ARAP3: variants seen among roughly 807,000 people sequenced by gnomAD.
ARAP3 encodes the protein ArfGAP with RhoGAP domain, ankyrin repeat and PH domain 3.
ARAP3 carries 82 observed loss-of-function variants against 169.2 expected under a neutral mutation model. The ratio of observed to expected loss-of-function variants is 0.48; its 90% CI spans 0.41 to 0.58. The LOEUF (loss-of-function observed/expected upper bound fraction) is 0.58. Among genes scored for constraint, ARAP3 ranks in the 20% least tolerant of loss-of-function variants. The pLI is 0.00. For synonymous variants in ARAP3, 791 were observed against 800.3 expected (o/e 0.99, Z 0.20); for missense variants, 1,764 against 2,018.0 (o/e 0.87, Z 2.41).
rs145098937 is a variant in ARAP3, at chr5:141,658,787, C to A, written c.3337-134G>T. 1,281 of 754,900 alleles carry A rather than the reference C, an allele frequency of 1.7e-3. 14 individuals carry two copies. The African/African-American group carries it at 0.02, about 12-fold the overall frequency. 46.8% of individuals were successfully genotyped at this position (754,900 alleles called of 1,614,324 possible). On this transcript the variant is annotated intron_variant, in intron 23 of 32. Transcript: ENST00000239440. ...CCTCCCAACCCCAATGTCACTCAGG[C>A]TCTTAAAAGGGAGACCTCTGGGAGT...
At position 141,672,036 on chromosome 5, in the gene ARAP3, C is replaced by T. The variant is rs752357720; in HGVS notation, c.1586-56G>A. 50 of 1,613,726 alleles carry T rather than the reference C, an allele frequency of 3.1e-5. No homozygotes were observed. Among genetic ancestry groups the T allele is most frequent in the Middle Eastern group, 3.3e-4 (2 of 6,080 alleles). On this transcript the variant is annotated intron_variant, in intron 10 of 32. Transcript: ENST00000239440. The surrounding 1 kb of genome is among the most constrained non-coding windows in gnomAD (Gnocchi z 4.9). ...GTGAGGGTGTGAGGGGCATGTGGCA[C>T]GGGTACCCTGAGCCCTCTAGTCCCA...
chr5:141,665,025 C>T lies in ARAP3; in HGVS notation c.2697G>A (p.Gly899=). 1 of 1,614,068 alleles carries T rather than the reference C, an allele frequency of 6.2e-7. No individual in the cohort carries two copies. The highest frequency in any genetic ancestry group is 1.3e-5 in the African/African-American group (1 of 75,056). ...CTGTGCCGCCCCCACCAGCCGCGCC[C>T]CCAATGGCTGCGTTCCATGCCGTGA... is the stretch of plus-strand genomic sequence containing the variant. ...LDFTAWNAAI[G]GAAGGGGTGL... The change falls in exon 19 of 33, where the codon GGG becomes GGA. Residue 899 remains glycine (G), a synonymous_variant. Coordinates refer to ENST00000239440, the MANE Select transcript of ARAP3 (RefSeq NM_022481.6).
In ARAP3 at chr5:141,680,143, C is replaced by T. The variant is rs372399990; in HGVS notation, c.344G>A (p.Gly115Glu). 1 of 1,609,488 alleles carries T rather than the reference C, an allele frequency of 6.2e-7. No individual in the cohort carries two copies. The highest frequency in any genetic ancestry group is 8.5e-7 in the Non-Finnish European group (1 of 1,177,098). Reference sequence around the variant, plus strand: ...TGGTCCCCCGAGGGCTGGGCTCAGCCCAGGTCTCTGAGTGGTGGCAGGGCC... The same window carrying T: ...TGGTCCCCCGAGGGCTGGGCTCAGCTCAGGTCTCTGAGTGGTGGCAGGGCC... ...LSGPATTQRP[G>E]LSPALGGPGV... Residue 115 changes from glycine to glutamate, a missense_variant, in exon 2 of 33, where the codon GGG (glycine) becomes GAG (glutamate). By Grantham distance (98) the Gly-to-Glu change is moderately conservative. Around this residue, in one of 3 missense-constraint regions of ARAP3, gnomAD observed 630 missense variants for 678.7 expected, o/e 0.93. Coordinates refer to ENST00000239440, the MANE Select transcript of ARAP3 (RefSeq NM_022481.6).
At chr5:141,665,933 A>C (rs751296607) in intron 17 of ARAP3, among the ~76,000 whole-genome samples, 2 of 151,276 alleles carry the variant, frequency 1.3e-5, no homozygotes, top group Non-Finnish European at 1.5e-5. Context: ...TGGGAGGCTG[A>C]GGCAGGAGAA....
In ARAP3 at chr5:141,659,868, C is replaced by CA; in HGVS notation, c.3177dup (p.Ala1060CysfsTer23). ...CCATCCGTCTGGAACACGCTGGGTG[C>CA]AAACAGCAGAGCCAAGTTCCGCGTG... On this transcript the variant is annotated frameshift_variant, in exon 22 of 33. Transcript: ENST00000239440. LOFTEE classifies it high-confidence loss of function. 6.3e-6 allele frequency: 10 copies of CA among 1,599,076 alleles called. No individual in the cohort carries two copies. Among genetic ancestry groups the CA allele is most frequent in the Non-Finnish European group, 8.5e-6 (10 of 1,173,488 alleles).
chr5:141,673,351 A>G (rs2099911704), intron 6 of ARAP3, 50 bp downstream of exon 6: 1 of 1,609,462 alleles, frequency 6.2e-7, no homozygotes, highest in African/African-American at 1.3e-5. Context: ...AGCCCCTCTC[A>G]GCCCTCCCTC....
In ARAP3 at chr5:141,671,208, C is replaced by T; in HGVS notation, c.1990+57G>A. ...TTGGGGCCCCTTGGAAGAACTGAAT[C>T]ATAGGTTGGGTCTGAGAATTCCTGT... On this transcript the variant is annotated intron_variant, in intron 13 of 32. Transcript: ENST00000239440. This position sits in a 1 kb window ranked among gnomAD's most constrained non-coding sequence, Gnocchi z 4.9. 6 of 1,538,676 alleles carry T rather than the reference C, an allele frequency of 3.9e-6. No individual in the cohort carries two copies. Among genetic ancestry groups the T allele is most frequent in the South Asian group, 3.7e-5 (3 of 80,576 alleles).
intron 4 of ARAP3, 145 bp from the exon 5 acceptor site, chr5:141,673,953 TTTC>T (rs1383206449): frequency 1.1e-5 from 8 of 717,476 alleles, no homozygotes; most frequent in South Asian, 2.2e-5. Flanking sequence ...TTTCTTTTCT[TTTC>T]TTCTTTTTTT....
At chr5:141,661,128 A>G (rs2099909915) in intron 21 of ARAP3, among the ~76,000 whole-genome samples, 2 of 150,344 alleles carry the variant, frequency 1.3e-5, no homozygotes, top group Admixed American at 6.6e-5. Context: ...AAGTGGTACA[A>G]TCTTGGCTCA....
Position 141,671,566 on chromosome 5 carries a change from C to G in ARAP3, c.1854+4G>C. ...CCAGATCACCCCTGCTCTGTCCCTC[C>G]TACCTGGAGAAGCTGGCTATGATCT... On this transcript the variant is annotated splice_donor_region_variant and intron_variant, in intron 12 of 32. Coordinates refer to ENST00000239440, the MANE Select transcript of ARAP3 (RefSeq NM_022481.6). The surrounding 1 kb of genome is among the most constrained non-coding windows in gnomAD (Gnocchi z 4.9). 4 of 1,613,960 alleles carry G rather than the reference C, an allele frequency of 2.5e-6. No individual in the cohort carries two copies. The highest frequency in any genetic ancestry group is 3.4e-6 in the Non-Finnish European group (4 of 1,179,910).
intron 19 of ARAP3, among the ~76,000 whole-genome samples, chr5:141,664,201 A>G (rs1042971732): frequency 2.0e-5 from 3 of 152,098 alleles, no homozygotes; most frequent in African/African-American, 4.8e-5. Flanking sequence ...CCTGGCCAAC[A>G]TGGTAAAACT....
At chr5:141,673,313 AC>A in intron 6 of ARAP3, 87 bp downstream of exon 6, 2 of 1,570,824 alleles carry the variant, frequency 1.3e-6, no homozygotes, top group Non-Finnish European at 1.7e-6. Context: ...GCCCACACAC[AC>A]AATGGACTTC....
At chr5:141,680,604 C>T (rs1171231090) in intron 1 of ARAP3, 101 bp from the exon 2 acceptor site, 15 of 1,430,078 alleles carry the variant, frequency 1.0e-5, no homozygotes, top group Non-Finnish European at 1.4e-5. Flanking sequence ...TCCAATCTTC[C>T]TCCAAAGAAA....
rs917551574 is a variant in ARAP3, at chr5:141,659,933, A to T, written c.3120-7T>A. On this transcript the variant is annotated splice_region_variant and splice_polypyrimidine_tract_variant and intron_variant, in intron 21 of 32. Transcript: ENST00000239440. ...AGCCGCACATTTCTGCACCCTGCAGAGGGGTGCCACGGTCTTCATCAGTGT... is the reference window on the plus strand; with the variant it reads ...AGCCGCACATTTCTGCACCCTGCAGTGGGGTGCCACGGTCTTCATCAGTGT... The T allele has an allele frequency of 6.4e-7, 1 of 1,551,570 alleles. No homozygotes were observed. The highest frequency in any genetic ancestry group is 8.7e-7 in the Non-Finnish European group (1 of 1,144,580).
intron 32 of ARAP3, 138 bp downstream of exon 32, chr5:141,655,224 C>CAACACA: frequency 4.6e-6 from 2 of 430,532 alleles, no homozygotes; most frequent in Non-Finnish European, 3.7e-6. Flanking sequence ...CCCTGATGGC[C>CAACACA]TACACACACA....
chr5:141,661,843 C>T, intron 20 of ARAP3, 54 bp from the exon 21 acceptor site: 1 of 1,588,496 alleles, frequency 6.3e-7, no homozygotes, highest in African/African-American at 1.3e-5. Flanking sequence ...AGAGTGGCAG[C>T]TGGTACAGAG....
intron 4 of ARAP3, among the ~76,000 whole-genome samples, chr5:141,678,676 C>T (rs1052949171): frequency 1.1e-4 from 17 of 151,670 alleles, no homozygotes; most frequent in African/African-American, 3.1e-4. Context: ...TTAGTAGAGA[C>T]GGAGTTTCAT....
In ARAP3 at chr5:141,665,263, C is replaced by T. The variant is rs2099910487; in HGVS notation, c.2636+48G>A. On this transcript the variant is annotated intron_variant, in intron 18 of 32. Coordinates refer to ENST00000239440, the MANE Select transcript of ARAP3 (RefSeq NM_022481.6). ...AGCAGGCCAGGTTGCAGAGTATGGG[C>T]TCTGCTCCAGGAAGGGGAGCCCCAG... is the stretch of plus-strand genomic sequence containing the variant. The T allele has an allele frequency of 3.7e-6, 6 of 1,609,032 alleles. No homozygotes were observed. In the East Asian group the frequency reaches 1.1e-4, roughly 30 times the overall value.
rs754445782 is a variant in ARAP3, at chr5:141,672,346, T to C, written c.1386-45A>G. The C allele has an allele frequency of 3.7e-6, 6 of 1,604,008 alleles. No homozygotes were observed. Among genetic ancestry groups the C allele is most frequent in the African/African-American group, 1.4e-5 (1 of 74,066 alleles). ...TCCATGGGCATGGACCTACCTGCCA[T>C]GTCCCATCCCCCTGGCTCTTCCTGC... On this transcript the variant is annotated intron_variant, in intron 9 of 32. Transcript: ENST00000239440. This position sits in a 1 kb window ranked among gnomAD's most constrained non-coding sequence, Gnocchi z 4.9.
Sources: gnomAD v4.1 joint callset for allele counts (sites outside exome capture counted in the v4.1 genomes callset) on GRCh38, gnomAD v4.1.1 for gene constraint, gnomAD v4.1.1 regional missense constraint, Gnocchi (gnomAD v3.1) non-coding constraint, MANE v1.5 for transcripts, NCBI Gene and HGNC (gene_info 2026-07-23, HGNC 2026-07-21) for gene names.